AOAH: variants seen among roughly 807,000 people sequenced by gnomAD.
The protein encoded by AOAH is acyloxyacyl hydrolase (neutrophil).
In AOAH, 64 loss-of-function variants were observed where a neutral mutation model predicts 92.2. That is an observed-to-expected ratio of 0.69 (90% CI 0.57 to 0.86). AOAH has a LOEUF of 0.86. Among genes scored for constraint, AOAH ranks in the 40% least tolerant of loss-of-function variants. The probability of loss-of-function intolerance (pLI) is 0.00; values close to 1 mark genes in which losing one functional copy is unlikely to be tolerated. For missense variants in AOAH, 656 were observed against 694.6 expected (o/e 0.94, Z 0.62); for synonymous variants, 263 against 254.5 (o/e 1.03, Z -0.32).
chr7:36,679,892 G>C (rs1333344719), intron 2 of AOAH, among the ~76,000 whole-genome samples: 1 of 152,140 alleles, frequency 6.6e-6, no homozygotes, highest in African/African-American at 2.4e-5. Flanking sequence ...TCTTGATCTT[G>C]TGATCCGCCC....
chr7:36,558,307 G>A (rs1013106144), intron 13 of AOAH, among the ~76,000 whole-genome samples: 14 of 152,178 alleles, frequency 9.2e-5, no homozygotes, highest in South Asian at 2.1e-4. Context: ...GTGGATTTTC[G>A]TGAATGGTGG....
intron 11 of AOAH, among the ~76,000 whole-genome samples, chr7:36,595,113 T>C (rs2727809): frequency 0.074 from 11,195 of 152,212 alleles, 1,393 homozygotes; most frequent in African/African-American, 0.25. Flanking sequence ...ATGTGATGAG[T>C]TACAACCTCA....
intron 4 of AOAH, among the ~76,000 whole-genome samples, chr7:36,642,436 T>C (rs1372959126): frequency 2.0e-5 from 3 of 152,120 alleles, no homozygotes; most frequent in African/African-American, 7.2e-5. Flanking sequence ...ATAGAACAGA[T>C]TTTCTCTCAC....
At chr7:36,682,223 C>A (rs950078059) in intron 2 of AOAH, among the ~76,000 whole-genome samples, 1 of 152,232 alleles carries the variant, frequency 6.6e-6, no homozygotes, top group South Asian at 2.1e-4. Flanking sequence ...TGAGGAGTAA[C>A]TTTTGGGGAT....
chr7:36,620,732 G>C, intron 9 of AOAH, 49 bp downstream of exon 9: 1 of 1,577,480 alleles, frequency 6.3e-7, no homozygotes, highest in Non-Finnish European at 8.7e-7. Context: ...AGCTTTAGGG[G>C]AGGGAGGAAC....
intron 13 of AOAH, among the ~76,000 whole-genome samples, chr7:36,554,574 C>A (rs1402049086): frequency 6.6e-6 from 1 of 152,210 alleles, no homozygotes; most frequent in South Asian, 2.1e-4. Flanking sequence ...TTGCCTTGGG[C>A]AGTATGGCCA....
Position 36,512,947 on chromosome 7 carries a change from TTAG to T in AOAH, c.*302_*304del. The T allele has an allele frequency of 8.4e-7, 1 of 1,195,502 alleles. No homozygotes were observed. Among genetic ancestry groups the T allele is most frequent in the Non-Finnish European group, 1.2e-6 (1 of 864,806 alleles). The allele number at this position is 1,195,502 out of a possible 1,614,324, so 74.1% of individuals were successfully genotyped here. On this transcript the variant is annotated 3_prime_UTR_variant, in exon 21 of 21. Transcript: ENST00000617537. ...TGAACATCGCTGGACTTAAGTGTTT[TTAG>T]AAACTCCTTTTAGAACAATTAGCTG... is the stretch of plus-strand genomic sequence containing the variant.
chr7:36,610,186 G>T (rs868552208), intron 11 of AOAH, among the ~76,000 whole-genome samples: 2 of 125,512 alleles, frequency 1.6e-5, no homozygotes, highest in East Asian at 2.2e-4. Context: ...AAAAAGAATC[G>T]GTTTAACATC....
At chr7:36,632,717 A>C (rs1457517588) in intron 5 of AOAH, among the ~76,000 whole-genome samples, 2 of 152,210 alleles carry the variant, frequency 1.3e-5, no homozygotes, top group African/African-American at 4.8e-5. Flanking sequence ...AAAGAGAAGA[A>C]GACAATAGGG....
intron 12 of AOAH, among the ~76,000 whole-genome samples, chr7:36,581,211 TG>T (rs1212453694): frequency 2.0e-5 from 3 of 152,218 alleles, no homozygotes; most frequent in African/African-American, 7.2e-5. Context: ...CAGTGTGAAC[TG>T]GGTTGCTTCT....
At position 36,605,892 on chromosome 7, in the gene AOAH, C is replaced by T. The variant is rs147402822; in HGVS notation, c.846+10488G>A. Among the ~76,000 whole-genome samples, 311 of 152,304 alleles carry T rather than the reference C, an allele frequency of 2.0e-3. 2 individuals carry two copies. Among genetic ancestry groups the T allele is most frequent in the African/African-American group, 7.1e-3 (296 of 41,568 alleles). On this transcript the variant is annotated intron_variant, in intron 11 of 20. Coordinates refer to ENST00000617537, the MANE Select transcript of AOAH (RefSeq NM_001637.4). Reference sequence around the variant, plus strand: ...TGCTGCTGGAGAGCAGAATTCACCACGGTGAACACAACTCTCTTTTTCTGA... The same window carrying T: ...TGCTGCTGGAGAGCAGAATTCACCATGGTGAACACAACTCTCTTTTTCTGA...
At chr7:36,555,842 C>T (rs1583808416) in intron 13 of AOAH, among the ~76,000 whole-genome samples, 1 of 152,094 alleles carries the variant, frequency 6.6e-6, no homozygotes, top group Admixed American at 6.5e-5. Flanking sequence ...TCCCCTTTAT[C>T]GTTTTTTATT....
intron 6 of AOAH, among the ~76,000 whole-genome samples, chr7:36,629,772 A>G (rs1792941778): frequency 6.6e-6 from 1 of 152,230 alleles, no homozygotes; most frequent in Admixed American, 6.5e-5. Context: ...AGAGATGTTC[A>G]GTGGACTTAG....
intron 1 of AOAH, among the ~76,000 whole-genome samples, chr7:36,723,613 C>G (rs1799788843): frequency 6.6e-6 from 1 of 152,100 alleles, no homozygotes; most frequent in Non-Finnish European, 1.5e-5. Flanking sequence ...TACATTGCTC[C>G]AGGTTTCCAC....
rs149358943 is a variant in AOAH, at chr7:36,649,396, T to C, written c.390+9770A>G. 8.6e-3 allele frequency among the ~76,000 whole-genome samples: 1,315 copies of C among 152,308 alleles called. 14 individuals carry two copies. The highest frequency in any genetic ancestry group is 0.03 in the African/African-American group (1,237 of 41,566). On this transcript the variant is annotated intron_variant, in intron 4 of 20. Coordinates refer to ENST00000617537, the MANE Select transcript of AOAH (RefSeq NM_001637.4). The stretch of plus-strand genomic sequence containing the variant: ...AATTAGTCAGCATGAGAGACAGGAC[T>C]AGCTGGATTTCCTAGGCCAACTAAG...
Position 36,620,824 on chromosome 7 carries a change from T to C in AOAH, c.659A>G (p.Asn220Ser), listed in dbSNP as rs1792224832. 1 of 1,613,862 alleles carries C rather than the reference T, an allele frequency of 6.2e-7. No homozygotes were observed. Among genetic ancestry groups the C allele is most frequent in the Admixed American group, 1.7e-5 (1 of 59,984 alleles). ...DESVYPGRRPNNWDVHQDSNC... is the reference protein window; with the variant it reads ...DESVYPGRRPSNWDVHQDSNC... ...TGAATCCTGATGGACATCCCAGTTG[T>C]TCGGCCTAAGAAAAAAACATTAACA... Residue 220 changes from asparagine (N) to serine (S), a missense_variant, in exon 9 of 21, where the codon AAC becomes AGC. Transcript: ENST00000617537.
chr7:36,553,031 C>T (rs1264873842), intron 13 of AOAH, among the ~76,000 whole-genome samples: 1 of 150,886 alleles, frequency 6.6e-6, no homozygotes, highest in African/African-American at 2.4e-5. Context: ...AGGTTACTTA[C>T]ATATGTATAC....
chr7:36,703,289 C>T (rs1036080224), intron 1 of AOAH, among the ~76,000 whole-genome samples: 2 of 152,120 alleles, frequency 1.3e-5, no homozygotes, highest in African/African-American at 4.8e-5. Flanking sequence ...TTCTTCATGG[C>T]ATCTAAAATG....
At chr7:36,660,890 A>C (rs1795180765) in intron 3 of AOAH, among the ~76,000 whole-genome samples, 2 of 152,224 alleles carry the variant, frequency 1.3e-5, no homozygotes, top group Admixed American at 6.5e-5. Flanking sequence ...CTACTTATAT[A>C]CTTCTTTAAG....
Sources: gnomAD v4.1 joint callset for allele counts (sites outside exome capture counted in the v4.1 genomes callset) on GRCh38, gnomAD v4.1.1 for gene constraint, MANE v1.5 for transcripts, NCBI Gene and HGNC (gene_info 2026-07-23, HGNC 2026-07-21) for gene names.